The following DNAJC13 variants were observed in gnomAD, a reference collection of about 807,000 sequenced individuals.
DNAJC13 encodes DnaJ heat shock protein family (Hsp40) member C13, also known as dnaJ homolog subfamily C member 13.
DNAJC13 carries 75 observed loss-of-function variants against 290.5 expected under a neutral mutation model. The observed-to-expected ratio is 0.26, with a 90% CI of 0.21 to 0.31. The LOEUF (loss-of-function observed/expected upper bound fraction) is 0.31, where lower values mean the gene tolerates loss of function less well. Ranked by LOEUF, DNAJC13 falls within the 10% of genes least tolerant of loss-of-function variation. The pLI, the probability that DNAJC13 is intolerant of heterozygous loss-of-function variation, is 1.00. For synonymous variants in DNAJC13, 862 were observed against 892.0 expected, an observed-to-expected ratio of 0.97 and a Z score of 0.60; for missense variants, 2,260 against 2,674.5, an observed-to-expected ratio of 0.85 and a Z score of 3.42.
chr3:132,538,264 CCTTGGCTATCAGACTTGAAAT>C lies in DNAJC13; in HGVS notation c.6715_*3del, dbSNP rs1936658731. Reference sequence around the variant, plus strand: ...CTCCTGTAGACCATGAGGCAGGCGACCTTGGCTATCAGACTTGAAATATTCACGAGAGACAATAAACGCTGA... The same window carrying C: ...CTCCTGTAGACCATGAGGCAGGCGACATTCACGAGAGACAATAAACGCTGA... On this transcript the variant is annotated stop_retained_variant and 3_prime_UTR_variant, in exon 56 of 56. Coordinates refer to ENST00000260818, the MANE Select transcript of DNAJC13 (RefSeq NM_015268.4). 6.2e-7 allele frequency: 1 copy of C among 1,613,496 alleles called. No individual in the cohort carries two copies. The highest frequency in any genetic ancestry group is 1.1e-5 in the South Asian group (1 of 91,030).
At chr3:132,507,473 CT>C (rs55927833) in intron 43 of DNAJC13, 120 bp downstream of exon 43, 60,623 of 497,572 alleles carry the variant, frequency 0.12, no homozygotes, top group South Asian at 0.15. Flanking sequence ...TACTGTGCTG[CT>C]TTTTTTTTTT....
chr3:132,508,926 C>G (rs964486174), intron 43 of DNAJC13, among the ~76,000 whole-genome samples: 2 of 152,222 alleles, frequency 1.3e-5, no homozygotes, highest in East Asian at 3.9e-4. Flanking sequence ...CAAAATACTA[C>G]TGCTCGTTGG....
chr3:132,512,910 C>A, intron 44 of DNAJC13, 98 bp from the exon 45 acceptor site: 1 of 986,938 alleles, frequency 1.0e-6, no homozygotes, highest in Non-Finnish European at 1.6e-6. Context: ...TTATCAGAGA[C>A]TTAAAATTGA....
At position 132,503,273 on chromosome 3, in the gene DNAJC13, TTTG is replaced by T. The variant is rs755902745; in HGVS notation, c.4777_4779del (p.Leu1593del). On this transcript the variant is annotated inframe_deletion, in exon 41 of 56. Transcript: ENST00000260818. ...ATGCTCTGAGTCGCCTTGGAGGGTATTTGGCTGAAGAACAAGCAACTCCAGAAA... is the reference window on the plus strand; with the variant it reads ...ATGCTCTGAGTCGCCTTGGAGGGTATGCTGAAGAACAAGCAACTCCAGAAA... The T allele has an allele frequency of 1.2e-6, 2 of 1,614,090 alleles. No individual in the cohort carries two copies. The highest frequency in any genetic ancestry group is 2.2e-5 in the South Asian group (2 of 91,078).
intron 15 of DNAJC13, among the ~76,000 whole-genome samples, chr3:132,461,746 C>T (rs1424425836): frequency 4.6e-5 from 7 of 152,076 alleles, no homozygotes; most frequent in African/African-American, 1.4e-4. Flanking sequence ...GACTGGAGTG[C>T]GGTGATGCAA....
At chr3:132,488,777 A>C (rs190587981) in intron 30 of DNAJC13, among the ~76,000 whole-genome samples, 199 bp from the exon 31 acceptor site, 1 of 152,142 alleles carries the variant, frequency 6.6e-6, no homozygotes, top group Non-Finnish European at 1.5e-5. Flanking sequence ...TAGCTTTAAT[A>C]TGACTACACT....
chr3:132,511,813 A>G (rs1323490550), intron 44 of DNAJC13, among the ~76,000 whole-genome samples: 1 of 152,204 alleles, frequency 6.6e-6, no homozygotes, highest in African/African-American at 2.4e-5. Flanking sequence ...TCTAACTTAG[A>G]TAATAAATAT....
chr3:132,523,056 A>G (rs1400412595), intron 49 of DNAJC13, 59 bp downstream of exon 49: 12 of 1,599,116 alleles, frequency 7.5e-6, no homozygotes, highest in Non-Finnish European at 9.4e-6. Flanking sequence ...GGGAAGGGCA[A>G]ACATTTCTTA....
At position 132,478,068 on chromosome 3, in the gene DNAJC13, T is replaced by A. The variant is rs1934532608; in HGVS notation, c.2637T>A (p.Ile879=). The change falls in exon 24 of 56, where the codon ATT becomes ATA. Residue 879 remains isoleucine (I), a synonymous_variant. Coordinates refer to ENST00000260818, the MANE Select transcript of DNAJC13 (RefSeq NM_015268.4). The part of the protein sequence containing the change: ...MKCLCLQALA[I]VYGRCHEEIG... ...GTTTATGTTTACAAGCCCTTGCTATTGTTTATGGCAGATGTCACGAAGAAA... is the reference window on the plus strand; with the variant it reads ...GTTTATGTTTACAAGCCCTTGCTATAGTTTATGGCAGATGTCACGAAGAAA... The A allele has an allele frequency of 6.2e-7, 1 of 1,613,686 alleles. No homozygotes were observed. Among genetic ancestry groups the A allele is most frequent in the Non-Finnish European group, 8.5e-7 (1 of 1,179,804 alleles).
intron 2 of DNAJC13, among the ~76,000 whole-genome samples, chr3:132,437,287 A>G (rs186668027): frequency 6.0e-4 from 91 of 152,234 alleles, no homozygotes; most frequent in Non-Finnish European, 9.0e-4. Context: ...TATTTTCTCC[A>G]ATTCTTCAGA....
chr3:132,512,043 T>A (rs2107732754), intron 44 of DNAJC13, among the ~76,000 whole-genome samples: 1 of 152,304 alleles, frequency 6.6e-6, no homozygotes, highest in African/African-American at 2.4e-5. Context: ...CATTGGGATG[T>A]TATTAAAGAC....
chr3:132,498,313 G>A (rs766278630), intron 36 of DNAJC13, among the ~76,000 whole-genome samples: 2 of 151,732 alleles, frequency 1.3e-5, no homozygotes, highest in Non-Finnish European at 2.9e-5. Context: ...AGATAAACAA[G>A]GGCACTTGTT....
At chr3:132,422,891 A>G (rs1366019887) in intron 1 of DNAJC13, among the ~76,000 whole-genome samples, 1 of 152,236 alleles carries the variant, frequency 6.6e-6, no homozygotes, top group Admixed American at 6.5e-5. Flanking sequence ...AGTTGCCCTT[A>G]GAAGAACACT....
intron 55 of DNAJC13, among the ~76,000 whole-genome samples, chr3:132,534,021 C>CT (rs1184489236): frequency 6.6e-6 from 1 of 152,088 alleles, no homozygotes; most frequent in Non-Finnish European, 1.5e-5. Flanking sequence ...TGAAAAGTGG[C>CT]TGTGAAGGGG....
rs142901736 is a variant in DNAJC13, at chr3:132,516,425, G to A, written c.5489G>A (p.Arg1830His). 113 of 1,613,602 alleles carry A rather than the reference G, an allele frequency of 7.0e-5. No individual in the cohort carries two copies. Among genetic ancestry groups the A allele is most frequent in the Admixed American group, 1.2e-4 (7 of 59,978 alleles). The change falls in exon 47 of 56, where the codon CGT becomes CAT. Residue 1830 changes from arginine (R) to histidine (H), a missense_variant. Coordinates refer to ENST00000260818, the MANE Select transcript of DNAJC13 (RefSeq NM_015268.4). ...LALLHSLPSSRQLVLETLYAL... is the reference protein window; with the variant it reads ...LALLHSLPSSHQLVLETLYAL... ...TGAAATGTCTTTTACTCTGCAGGTC[G>A]TCAGCTTGTTCTGGAAACTCTTTAT...
chr3:132,461,232 A>G (rs112163541), intron 15 of DNAJC13, 27 bp downstream of exon 15: 4 of 1,612,290 alleles, frequency 2.5e-6, no homozygotes, highest in East Asian at 2.2e-5. Flanking sequence ...TTCTTGTCAG[A>G]TAACAGTGAA....
At chr3:132,437,317 G>C (rs1939409122) in intron 2 of DNAJC13, among the ~76,000 whole-genome samples, 1 of 152,026 alleles carries the variant, frequency 6.6e-6, no homozygotes, top group African/African-American at 2.4e-5. Context: ...TTTCTTGATG[G>C]TATTGTTTGG....
chr3:132,505,296 T>C lies in DNAJC13; in HGVS notation c.4885-6T>C. The C allele has an allele frequency of 6.5e-7, 1 of 1,545,010 alleles. No homozygotes were observed. On this transcript the variant is annotated splice_polypyrimidine_tract_variant and splice_region_variant and intron_variant, in intron 41 of 55. Coordinates refer to ENST00000260818, the MANE Select transcript of DNAJC13 (RefSeq NM_015268.4). ...AATGTTATAAAACGGTAATATTGTC[T>C]CCTAGATTTTGAAGATGCTTAACAG...
chr3:132,503,191 CAACTT>C lies in DNAJC13; in HGVS notation c.4717-20_4717-16del. ...ATGTAAGATAACAGATCTACTTTAACAACTTAATTTTTTTTATAACAGGAGGTAGC... is the reference window on the plus strand; with the variant it reads ...ATGTAAGATAACAGATCTACTTTAACAATTTTTTTTATAACAGGAGGTAGC... On this transcript the variant is annotated intron_variant, in intron 40 of 55. Coordinates refer to ENST00000260818, the MANE Select transcript of DNAJC13 (RefSeq NM_015268.4). 1.2e-6 allele frequency: 2 copies of C among 1,610,550 alleles called. No individual in the cohort carries two copies. Among genetic ancestry groups the C allele is most frequent in the Non-Finnish European group, 1.7e-6 (2 of 1,178,282 alleles).
Sources: allele counts gnomAD v4.1 joint callset (sites outside exome capture counted in the v4.1 genomes callset), GRCh38; gene constraint gnomAD v4.1.1; transcripts MANE v1.5; gene names NCBI Gene and HGNC (gene_info 2026-07-23, HGNC 2026-07-21).